SLC4A7: variants seen among roughly 807,000 people sequenced by gnomAD.
The protein encoded by SLC4A7 is solute carrier family 4 member 7, also known as sodium bicarbonate cotransporter 3.
SLC4A7 carries 51 observed loss-of-function variants against 137.6 expected under a neutral mutation model. That is an observed-to-expected ratio of 0.37 (90% CI 0.30 to 0.47). The LOEUF is 0.47. Ranked by LOEUF, SLC4A7 falls within the 20% of genes least tolerant of loss-of-function variation. The pLI is 1.00. For missense variants in SLC4A7, 1,247 were observed against 1,525.4 expected (o/e 0.82, Z 3.04); for synonymous variants, 542 against 518.6 (o/e 1.05, Z -0.61).
chr3:27,447,528 T>C (rs556456768), intron 3 of SLC4A7, among the ~76,000 whole-genome samples: 8 of 152,288 alleles, frequency 5.3e-5, no homozygotes, highest in Middle Eastern at 3.4e-3. Flanking sequence ...CATAGCTCTC[T>C]TTGCTAGAAA....
chr3:27,451,692 A>G (rs1399623513), intron 2 of SLC4A7, among the ~76,000 whole-genome samples: 1 of 152,142 alleles, frequency 6.6e-6, no homozygotes, highest in Non-Finnish European at 1.5e-5. Context: ...GAACAGAAAA[A>G]GGCCATTAGT....
intron 2 of SLC4A7, among the ~76,000 whole-genome samples, chr3:27,450,369 T>C (rs187329056): frequency 7.9e-5 from 12 of 152,278 alleles, no homozygotes; most frequent in Non-Finnish European, 1.5e-4. Flanking sequence ...ACAGTGGTGT[T>C]GGTTGCATAA....
At chr3:27,426,960 A>G (rs1266678529) in intron 7 of SLC4A7, among the ~76,000 whole-genome samples, 2 of 152,258 alleles carry the variant, frequency 1.3e-5, no homozygotes, top group Admixed American at 1.3e-4. Flanking sequence ...AAATATATGT[A>G]TAAGGAAATC....
rs1286198578 is a variant in SLC4A7 at position 27,375,036 on chromosome 3, C to T, written c.*1728G>A. On this transcript the variant is annotated 3_prime_UTR_variant, in exon 26 of 26. Transcript: ENST00000454389. ...CATATTTTCTAAAGAAAAGCAGCTA[C>T]ATTTCCAACCTCTCATCCGAGGCAG... 6.6e-6 allele frequency: 1 copy of T among 152,120 alleles called. No individual in the cohort carries two copies. The highest frequency in any genetic ancestry group is 1.5e-5 in the Non-Finnish European group (1 of 67,884). The allele number at this position is 152,120 out of a possible 1,614,324, so 9.4% of individuals were successfully genotyped here. A position where few individuals can be genotyped will look rare whatever the true frequency, so the allele number is the denominator to read the frequency against.
At position 27,424,127 on chromosome 3, in the gene SLC4A7, A is replaced by G; in HGVS notation, c.1176T>C (p.Ala392=). The change falls in exon 8 of 26, where the codon GCT becomes GCC. Residue 392 remains alanine (A), a synonymous_variant. Transcript: ENST00000454389. ...TPGILASPQS[A]PGNLDNSKSG... is the part of the protein sequence containing the mutation. ...TTTTACTATTGTCCAAGTTTCCAGGAGCAGACTGGGGAGAGGCCAAAATAC... is the reference window on the plus strand; with the variant it reads ...TTTTACTATTGTCCAAGTTTCCAGGGGCAGACTGGGGAGAGGCCAAAATAC... 6.2e-7 allele frequency: 1 copy of G among 1,609,500 alleles called. No homozygotes were observed. Among genetic ancestry groups the G allele is most frequent in the Non-Finnish European group, 8.5e-7 (1 of 1,177,184 alleles).
rs1456781602 is a variant in SLC4A7, at chr3:27,421,687, A to C, written c.1359T>G (p.Ile453Met). 2 of 1,613,934 alleles carry C rather than the reference A, an allele frequency of 1.2e-6. No individual in the cohort carries two copies. The highest frequency in any genetic ancestry group is 2.2e-5 in the South Asian group (2 of 91,080). ...GEVDFLERPIIAFVRLAPAVL... is the reference protein window; with the variant it reads ...GEVDFLERPIMAFVRLAPAVL... ...CAGCAGGAGCCAGTCTCACAAATGC[A>C]ATTATTGGCCTTTCCAAAAAGTCTA... The change falls in exon 9 of 26, where the codon ATT becomes ATG. Residue 453 changes from isoleucine to methionine, a missense_variant. This residue lies in a region of SLC4A7 where 499 missense variants were observed against 664.2 expected (regional missense o/e 0.75). Coordinates refer to ENST00000454389, the MANE Select transcript of SLC4A7 (RefSeq NM_001321103.2).
At position 27,388,319 on chromosome 3, in the gene SLC4A7, T is replaced by C. The variant is rs527978024; in HGVS notation, c.3360+1612A>G. On this transcript the variant is annotated intron_variant, in intron 22 of 25. Coordinates refer to ENST00000454389, the MANE Select transcript of SLC4A7 (RefSeq NM_001321103.2). Reference sequence around the variant, plus strand: ...TTAGTAAGAAGGCAGCATAAATCTTTTGTGCAACTTAATTAGCCTTGGGTA... The same window carrying C: ...TTAGTAAGAAGGCAGCATAAATCTTCTGTGCAACTTAATTAGCCTTGGGTA... Among the ~76,000 whole-genome samples, 4 of 152,338 alleles carry C rather than the reference T, an allele frequency of 2.6e-5. No individual in the cohort carries two copies. In the South Asian group the frequency reaches 8.3e-4, roughly 32 times the overall value.
intron 7 of SLC4A7, among the ~76,000 whole-genome samples, chr3:27,430,875 A>T (rs2056204028): frequency 6.6e-6 from 1 of 152,126 alleles, no homozygotes; most frequent in South Asian, 2.1e-4. Flanking sequence ...GTTCATGGCA[A>T]ATTAAAACAT....
At chr3:27,461,395 T>C (rs1489391137) in intron 1 of SLC4A7, among the ~76,000 whole-genome samples, 2 of 151,278 alleles carry the variant, frequency 1.3e-5, no homozygotes, top group Admixed American at 6.6e-5. Flanking sequence ...CGAGACACTG[T>C]CTCAAAAAAA....
intron 24 of SLC4A7, among the ~76,000 whole-genome samples, chr3:27,380,314 TAAAAAAAA>T (rs60223718): frequency 1.5e-5 from 2 of 136,358 alleles, no homozygotes; most frequent in Non-Finnish European, 3.1e-5. Flanking sequence ...CTCCAGAATT[TAAAAAAAA>T]AAAAAAAAAA....
chr3:27,448,599 T>C (rs1459839392), intron 3 of SLC4A7, 52 bp downstream of exon 3: 4 of 1,488,580 alleles, frequency 2.7e-6, no homozygotes, highest in Non-Finnish European at 3.7e-6. Context: ...AGAAAATACT[T>C]TCCAGGAAAA....
chr3:27,406,385 T>C (rs1301730471), intron 13 of SLC4A7, among the ~76,000 whole-genome samples: 1 of 152,148 alleles, frequency 6.6e-6, no homozygotes, highest in Admixed American at 6.5e-5. Context: ...AATGACAGTA[T>C]GCAATGAAAG....
At chr3:27,377,224 ATAGG>A (rs1413568045) in intron 25 of SLC4A7, among the ~76,000 whole-genome samples, 1 of 152,126 alleles carries the variant, frequency 6.6e-6, no homozygotes, top group Non-Finnish European at 1.5e-5. Flanking sequence ...GTTAATATAG[ATAGG>A]TATCAAATAA....
intron 24 of SLC4A7, among the ~76,000 whole-genome samples, chr3:27,379,573 A>G (rs2050212512): frequency 6.6e-6 from 1 of 152,220 alleles, no homozygotes; most frequent in Admixed American, 6.5e-5. Context: ...AGATTTATTT[A>G]TGGAACTTTG....
chr3:27,379,433 T>C (rs1041926247), intron 24 of SLC4A7, 77 bp from the exon 25 acceptor site: 7 of 720,506 alleles, frequency 9.7e-6, no homozygotes, highest in Admixed American at 2.2e-5. Flanking sequence ...ATTATCTGCT[T>C]TCATCAACTA....
In SLC4A7 at chr3:27,468,873, C is replaced by T. The variant is rs181022351; in HGVS notation, c.60+15194G>A. Among the ~76,000 whole-genome samples, 188 of 152,044 alleles carry T rather than the reference C, an allele frequency of 1.2e-3. 1 individual carries two copies. Among genetic ancestry groups the T allele is most frequent in the African/African-American group, 4.1e-3 (172 of 41,498 alleles). ...ATATAATCCTAGCATTTTGGGAGGC[C>T]GGGGTGGGCGGATCACTTGAGGTCA... On this transcript the variant is annotated intron_variant, in intron 1 of 25. Coordinates refer to ENST00000454389, the MANE Select transcript of SLC4A7 (RefSeq NM_001321103.2).
chr3:27,434,201 T>A, intron 5 of SLC4A7, 97 bp from the exon 6 acceptor site: 1 of 744,990 alleles, frequency 1.3e-6, no homozygotes, highest in Non-Finnish European at 2.1e-6. Context: ...ATTAGAACCT[T>A]AAATAGCTCT....
At position 27,434,083 on chromosome 3, in the gene SLC4A7, A is replaced by G. The variant is rs1419107279; in HGVS notation, c.611T>C (p.Ile204Thr). Residue 204 changes from isoleucine to threonine, a missense_variant, in exon 6 of 26, where the codon ATA becomes ACA. Transcript: ENST00000454389. ...GGACTCGTCTAATTGGCCAGAAGCT[A>G]TCATGTTGTCTAATACCATATCTAT... The part of the protein sequence containing the change: ...EIADMVLDNM[I>T]ASGQLDESIR... The G allele has an allele frequency of 1.2e-6, 2 of 1,612,402 alleles. No homozygotes were observed. Among genetic ancestry groups the G allele is most frequent in the Non-Finnish European group, 1.7e-6 (2 of 1,179,296 alleles).
chr3:27,377,761 G>T (rs1010257366), intron 25 of SLC4A7, among the ~76,000 whole-genome samples: 1 of 152,146 alleles, frequency 6.6e-6, no homozygotes, highest in Non-Finnish European at 1.5e-5. Flanking sequence ...TTGATTAATT[G>T]TAACATATGA....
Sources: allele counts gnomAD v4.1 joint callset (sites outside exome capture counted in the v4.1 genomes callset), GRCh38; gene constraint gnomAD v4.1.1; regional missense constraint gnomAD v4.1.1; transcripts MANE v1.5; gene names NCBI Gene and HGNC (gene_info 2026-07-23, HGNC 2026-07-21).